Variants in WNT5B observed in about 807,000 individuals in gnomAD.
WNT5B encodes Wnt family member 5B, also known as protein Wnt-5b.
Under a neutral mutation model 36.5 loss-of-function variants are expected in WNT5B, and 18 were observed. The ratio of observed to expected loss-of-function variants is 0.49; its 90% CI spans 0.34 to 0.73. The LOEUF (loss-of-function observed/expected upper bound fraction) is 0.73, where lower values mean the gene tolerates loss of function less well. WNT5B is among the 30% of genes least tolerant of loss of function. The pLI, the probability that WNT5B is intolerant of heterozygous loss-of-function variation, is 0.01. For missense variants in WNT5B, 424 were observed against 508.4 expected (o/e 0.83, Z 1.60); for synonymous variants, 213 against 212.3 (o/e 1.00, Z -0.03).
At chr12:1,645,317 CA>C (rs2154439923) in intron 4 of WNT5B, among the ~76,000 whole-genome samples, 1 of 152,342 alleles carries the variant, frequency 6.6e-6, no homozygotes, top group East Asian at 1.9e-4. Context: ...TAGCTTGCTG[CA>C]TCCTCAAATT....
upstream of WNT5B, among the ~76,000 whole-genome samples, chr12:1,628,747 C>T (rs777767676): frequency 6.6e-6 from 1 of 152,204 alleles, no homozygotes; most frequent in Non-Finnish European, 1.5e-5. Context: ...TGAAACCAGT[C>T]GCCAGCATTT....
intron 3 of WNT5B, among the ~76,000 whole-genome samples, chr12:1,636,992 G>A (rs1316821749): frequency 6.6e-6 from 1 of 152,100 alleles, no homozygotes; most frequent in Non-Finnish European, 1.5e-5. Flanking sequence ...ACAGGCATGA[G>A]CCACCACGCC....
intron 3 of WNT5B, among the ~76,000 whole-genome samples, chr12:1,638,267 CA>C (rs1231076818): frequency 6.6e-6 from 1 of 152,038 alleles, no homozygotes; most frequent in Non-Finnish European, 1.5e-5. Context: ...AACAAACAAA[CA>C]AAAAAACACA....
At chr12:1,631,456 C>T (rs371639630) in intron 2 of WNT5B, 22 bp downstream of exon 2, 4 of 1,613,852 alleles carry the variant, frequency 2.5e-6, no homozygotes, top group South Asian at 2.2e-5. Context: ...GGGCTGAGGT[C>T]CTGCCTGCAC....
intron 3 of WNT5B, among the ~76,000 whole-genome samples, chr12:1,636,702 A>AGTTTT (rs59138790): frequency 0.071 from 10,636 of 149,164 alleles, 683 homozygotes; most frequent in East Asian, 0.22. Flanking sequence ...TACCATGCCC[A>AGTTTT]GTTTTGTTTT....
At chr12:1,640,441 C>T (rs934470287) in intron 4 of WNT5B, among the ~76,000 whole-genome samples, 25 of 152,148 alleles carry the variant, frequency 1.6e-4, no homozygotes, top group African/African-American at 6.0e-4. Flanking sequence ...TATCCAGAAC[C>T]CAGTCAAAAA....
intron 1 of WNT5B, among the ~76,000 whole-genome samples, chr12:1,621,584 C>T (rs2094533820): frequency 1.3e-5 from 2 of 152,200 alleles, no homozygotes; most frequent in Admixed American, 1.3e-4. Context: ...TTAGAGACCT[C>T]TGTCATCCAG....
rs1279557792 is a variant in WNT5B, at chr12:1,632,681, A to C, written c.104A>C (p.Gln35Pro). Residue 35 changes from glutamine (Q) to proline (P), a missense_variant, in exon 3 of 5, where the codon CAG (glutamine) becomes CCG (proline). Coordinates refer to ENST00000397196, the MANE Select transcript of WNT5B (RefSeq NM_032642.3). This position sits in a 1 kb window ranked among gnomAD's most constrained non-coding sequence, Gnocchi z 5.8. ...SWWSLALNPVQRPEMFIIGAQ... is the reference protein window; with the variant it reads ...SWWSLALNPVPRPEMFIIGAQ... Reference sequence around the variant, plus strand: ...AGGTCATTAGCTTTGAACCCGGTGCAGAGACCCGAGATGTTTATCATCGGT... The same window carrying C: ...AGGTCATTAGCTTTGAACCCGGTGCCGAGACCCGAGATGTTTATCATCGGT... 1.2e-6 allele frequency: 2 copies of C among 1,607,300 alleles called. No homozygotes were observed. Among genetic ancestry groups the C allele is most frequent in the Non-Finnish European group, 1.7e-6 (2 of 1,174,178 alleles).
Position 1,630,445 on chromosome 12 carries a change from GC to G in WNT5B, c.-57-850del, listed in dbSNP as rs1270570488. ...CAGGCAGGAGGCCAAGAGGCGGGAG[GC>G]CCGGGAGCCAGCAGGGAAGGGCTGT... is the stretch of plus-strand genomic sequence containing the variant. On this transcript the variant is annotated intron_variant, in intron 1 of 4. Coordinates refer to ENST00000397196, the MANE Select transcript of WNT5B (RefSeq NM_032642.3). This position sits in a 1 kb window ranked among gnomAD's most constrained non-coding sequence, Gnocchi z 5.3. Among the ~76,000 whole-genome samples, 5 of 152,152 alleles carry G rather than the reference GC, an allele frequency of 3.3e-5. No homozygotes were observed. Among genetic ancestry groups the G allele is most frequent in the African/African-American group, 1.2e-4 (5 of 41,438 alleles).
upstream of WNT5B, among the ~76,000 whole-genome samples, chr12:1,627,606 C>T (rs912221956): frequency 6.6e-6 from 1 of 152,114 alleles, no homozygotes; most frequent in African/African-American, 2.4e-5. This position sits in a 1 kb window ranked among gnomAD's most constrained non-coding sequence, Gnocchi z 5.0. Flanking sequence ...TGAGTCCTAG[C>T]AGAAAAAGGA....
chr12:1,620,839 G>T (rs2094532860), intron 1 of WNT5B, among the ~76,000 whole-genome samples: 1 of 151,418 alleles, frequency 6.6e-6, no homozygotes, highest in South Asian at 2.1e-4. Context: ...AAGTAGCTGG[G>T]ACTACAGGCA....
chr12:1,642,782 T>A (rs113636121), intron 4 of WNT5B, among the ~76,000 whole-genome samples: 2,556 of 152,314 alleles, frequency 0.017, 28 homozygotes, highest in Middle Eastern at 0.024. Flanking sequence ...CCTGGCTTGC[T>A]CACCTTCCCT....
chr12:1,642,185 G>GCCACC (rs1438026874), intron 4 of WNT5B, among the ~76,000 whole-genome samples: 1 of 152,224 alleles, frequency 6.6e-6, no homozygotes, highest in East Asian at 1.9e-4. Context: ...CGTGTGTGGA[G>GCCACC]CCACCCGGTC....
At chr12:1,620,848 C>A (rs1017265333) in intron 1 of WNT5B, among the ~76,000 whole-genome samples, 26 of 151,316 alleles carry the variant, frequency 1.7e-4, no homozygotes, top group African/African-American at 5.6e-4. Flanking sequence ...GGACTACAGG[C>A]ATGCGCCACC....
Position 1,630,362 on chromosome 12 carries a change from C to T in WNT5B, c.-57-936C>T. On this transcript the variant is annotated intron_variant, in intron 1 of 4. Coordinates refer to ENST00000397196, the MANE Select transcript of WNT5B (RefSeq NM_032642.3). This position sits in a 1 kb window ranked among gnomAD's most constrained non-coding sequence, Gnocchi z 5.3. ...TAGCAGCACTGACCTGCTGCGGGTC[C>T]CAGGGCCTGGGGACAGGGGCTCTCG... 4.1e-6 allele frequency: 2 copies of T among 493,158 alleles called. No individual in the cohort carries two copies. Among genetic ancestry groups the T allele is most frequent in the Non-Finnish European group, 5.3e-6 (2 of 379,776 alleles). The allele number at this position is 493,158 out of a possible 1,614,324, so 30.5% of individuals were successfully genotyped here. A position where few individuals can be genotyped will look rare whatever the true frequency, so the allele number is the denominator to read the frequency against.
intron 4 of WNT5B, among the ~76,000 whole-genome samples, chr12:1,643,787 A>C (rs61914790): frequency 0.021 from 2,569 of 124,132 alleles, 35 homozygotes; most frequent in Middle Eastern, 0.031. Context: ...ATATATATAT[A>C]TCTACAAAAG....
At chr12:1,640,006 A>T (rs1483565641) in intron 4 of WNT5B, 30 bp downstream of exon 4, 1 of 1,589,468 alleles carries the variant, frequency 6.3e-7, no homozygotes, top group Non-Finnish European at 8.6e-7. Context: ...CCTCCCCAGC[A>T]CTGCAGACCT....
intron 3 of WNT5B, among the ~76,000 whole-genome samples, chr12:1,639,192 C>T (rs575758205): frequency 6.6e-6 from 1 of 150,540 alleles, no homozygotes; most frequent in African/African-American, 2.4e-5. Flanking sequence ...GGCTGGAGTG[C>T]AGTGGCGCGG....
In WNT5B at chr12:1,632,996, G is replaced by T; in HGVS notation, c.328+91G>T. 1 of 1,509,282 alleles carries T rather than the reference G, an allele frequency of 6.6e-7. No homozygotes were observed. 93.5% of individuals were successfully genotyped at this position (1,509,282 alleles called of 1,614,324 possible). A position where few individuals can be genotyped will look rare whatever the true frequency, so the allele number is the denominator to read the frequency against. Reference sequence around the variant, plus strand: ...CTCTCTCAGGACTGGCACAGGGAGAGCCCAAAGGCAGCCTAAGTGGGCTCT... The same window carrying T: ...CTCTCTCAGGACTGGCACAGGGAGATCCCAAAGGCAGCCTAAGTGGGCTCT... On this transcript the variant is annotated intron_variant, in intron 3 of 4. Coordinates refer to ENST00000397196, the MANE Select transcript of WNT5B (RefSeq NM_032642.3). This position sits in a 1 kb window ranked among gnomAD's most constrained non-coding sequence, Gnocchi z 5.8.
Sources: gnomAD v4.1 joint callset for allele counts (sites outside exome capture counted in the v4.1 genomes callset) on GRCh38, gnomAD v4.1.1 for gene constraint, Gnocchi (gnomAD v3.1) non-coding constraint, MANE v1.5 for transcripts, NCBI Gene and HGNC (gene_info 2026-07-23, HGNC 2026-07-21) for gene names.